Variants in PCCA observed in about 807,000 individuals in gnomAD.
PCCA encodes the protein propionyl-CoA carboxylase alpha chain, mitochondrial.
PCCA carries 74 observed loss-of-function variants against 101.3 expected under a neutral mutation model. The ratio of observed to expected loss-of-function variants is 0.73; its 90% CI spans 0.61 to 0.89. The LOEUF is 0.89. Among genes scored for constraint, PCCA ranks in the 40% least tolerant of loss-of-function variants. PCCA has a pLI of 0.00. For missense variants in PCCA, 891 were observed against 907.0 expected (o/e 0.98, Z 0.23); for synonymous variants, 294 against 313.6 (o/e 0.94, Z 0.66).
At chr13:100,398,662 T>G (rs2077173079) in intron 19 of PCCA, among the ~76,000 whole-genome samples, 1 of 152,162 alleles carries the variant, frequency 6.6e-6, no homozygotes, top group African/African-American at 2.4e-5. Context: ...TTTATTCTAC[T>G]TGCTAGAGCT....
At chr13:100,317,839 C>T (rs988426205) in intron 16 of PCCA, among the ~76,000 whole-genome samples, 8 of 152,110 alleles carry the variant, frequency 5.3e-5, no homozygotes, top group African/African-American at 1.4e-4. Context: ...CCACCCACCT[C>T]GGTTTCCCAA....
chr13:100,330,068 A>G (rs1485338800), intron 16 of PCCA, among the ~76,000 whole-genome samples: 1 of 152,176 alleles, frequency 6.6e-6, no homozygotes, highest in African/African-American at 2.4e-5. Flanking sequence ...CTCGCCAACC[A>G]ACCACCACTT....
chr13:100,407,903 C>A (rs761101433), intron 19 of PCCA, among the ~76,000 whole-genome samples: 1 of 152,126 alleles, frequency 6.6e-6, no homozygotes, highest in Admixed American at 6.5e-5. Flanking sequence ...GTAATTCCAG[C>A]ACTTTGGGAG....
intron 17 of PCCA, among the ~76,000 whole-genome samples, chr13:100,330,902 A>G (rs1226053392): frequency 1.3e-5 from 2 of 152,164 alleles, no homozygotes; most frequent in Non-Finnish European, 2.9e-5. Context: ...GAATTGTTCT[A>G]TGAGTCCAGT....
At chr13:100,498,023 C>T (rs1409457929) in intron 21 of PCCA, among the ~76,000 whole-genome samples, 3 of 151,968 alleles carry the variant, frequency 2.0e-5, no homozygotes, top group Non-Finnish European at 4.4e-5. Flanking sequence ...ATATGTGCCA[C>T]TACACCTGGC....
chr13:100,341,413 C>A (rs772692472), intron 18 of PCCA, among the ~76,000 whole-genome samples: 2 of 152,176 alleles, frequency 1.3e-5, no homozygotes, highest in Admixed American at 1.3e-4. Flanking sequence ...TGTTTCCCCC[C>A]CACATAGTTG....
At chr13:100,356,923 A>G (rs1235252378) in intron 18 of PCCA, among the ~76,000 whole-genome samples, 1 of 152,248 alleles carries the variant, frequency 6.6e-6, no homozygotes, top group Admixed American at 6.5e-5. Context: ...TTTCTGCAAC[A>G]TGGATGAATT....
At position 100,400,622 on chromosome 13, in the gene PCCA, TTTTAGTTC is replaced by T. The variant is rs1403901654; in HGVS notation, c.1747-25007_1747-25000del. On this transcript the variant is annotated intron_variant, in intron 19 of 23. Coordinates refer to ENST00000376285, the MANE Select transcript of PCCA (RefSeq NM_000282.4). ...TAATATGATGATTGATCTTAGTTCT[TTTTAGTTC>T]TTTTTTTTTTTTTTTTTGAGAGTTT... Among the ~76,000 whole-genome samples the T allele has an allele frequency of 1.5e-4, 19 of 124,926 alleles. No homozygotes were observed. In the East Asian group the frequency reaches 1.8e-3, roughly 12 times the overall value. The allele number at this position is 124,926 out of a possible 152,430, so 82.0% of individuals were successfully genotyped here.
At chr13:100,350,149 G>A (rs1024995710) in intron 18 of PCCA, among the ~76,000 whole-genome samples, 4 of 152,122 alleles carry the variant, frequency 2.6e-5, no homozygotes, top group African/African-American at 7.2e-5. Flanking sequence ...TAATTCCCAA[G>A]GAAAAGCCGG....
intron 19 of PCCA, among the ~76,000 whole-genome samples, chr13:100,389,496 AG>A (rs563650237): frequency 2.5e-4 from 38 of 152,274 alleles, no homozygotes; most frequent in African/African-American, 7.9e-4. Flanking sequence ...GGGTGGAGGG[AG>A]AAGATCAGGA....
In PCCA at chr13:100,271,261, A is replaced by G. The variant is rs1004622855; in HGVS notation, c.915-1935A>G. ...GCCAGTTATTGTTGAAATGTCATCTATGTCTATACATTAGGTTAATGCAAA... is the reference window on the plus strand; with the variant it reads ...GCCAGTTATTGTTGAAATGTCATCTGTGTCTATACATTAGGTTAATGCAAA... On this transcript the variant is annotated intron_variant, in intron 11 of 23. Transcript: ENST00000376285. Among the ~76,000 whole-genome samples the G allele has an allele frequency of 2.6e-5, 4 of 152,224 alleles. 1 individual carries two copies. The highest frequency in any genetic ancestry group is 6.8e-3 in the Middle Eastern group (2 of 294).
At chr13:100,495,780 T>G (rs1159828473) in intron 21 of PCCA, among the ~76,000 whole-genome samples, 1 of 152,186 alleles carries the variant, frequency 6.6e-6, no homozygotes, top group Non-Finnish European at 1.5e-5. Flanking sequence ...ACACTTATTT[T>G]TTTCCCCATC....
chr13:100,208,647 T>A (rs973903965), intron 6 of PCCA, among the ~76,000 whole-genome samples: 13 of 152,122 alleles, frequency 8.5e-5, no homozygotes, highest in African/African-American at 2.7e-4. Context: ...CTTTTTTTTT[T>A]AAATTAGAGT....
chr13:100,460,454 G>T (rs942722298), intron 21 of PCCA, among the ~76,000 whole-genome samples: 1 of 152,092 alleles, frequency 6.6e-6, no homozygotes, highest in East Asian at 1.9e-4. Flanking sequence ...CCATTGAACA[G>T]CTTCTTCATG....
At chr13:100,261,250 A>G (rs1317732590) in intron 9 of PCCA, among the ~76,000 whole-genome samples, 1 of 152,176 alleles carries the variant, frequency 6.6e-6, no homozygotes, top group Admixed American at 6.5e-5. Context: ...CAGATTAAGA[A>G]ACTTTATTAA....
intron 21 of PCCA, among the ~76,000 whole-genome samples, chr13:100,507,666 C>A (rs1033492653): frequency 6.6e-6 from 1 of 152,040 alleles, no homozygotes; most frequent in Non-Finnish European, 1.5e-5. Flanking sequence ...CTTTTCTTTT[C>A]TTTTTCTTGA....
chr13:100,473,098 A>C (rs771264640), intron 21 of PCCA: 2 of 152,146 alleles, frequency 1.3e-5, no homozygotes, highest in African/African-American at 2.4e-5. Flanking sequence ...ATAATTAGGA[A>C]ACTCATTAGT....
chr13:100,497,885 T>A (rs1206384003), intron 21 of PCCA, among the ~76,000 whole-genome samples: 1 of 152,110 alleles, frequency 6.6e-6, no homozygotes, highest in Non-Finnish European at 1.5e-5. Context: ...TCTTTTTTTT[T>A]AGACACAGGG....
chr13:100,245,103 T>C (rs2061361372), intron 8 of PCCA, among the ~76,000 whole-genome samples: 1 of 152,160 alleles, frequency 6.6e-6, no homozygotes, highest in Admixed American at 6.6e-5. Context: ...CGAATGATAC[T>C]CCAAAACTAA....
Sources: allele counts gnomAD v4.1 joint callset (sites outside exome capture counted in the v4.1 genomes callset), GRCh38; gene constraint gnomAD v4.1.1; transcripts MANE v1.5; gene names NCBI Gene and HGNC (gene_info 2026-07-23, HGNC 2026-07-21).